Variants in MAPK8 observed in about 807,000 individuals in gnomAD.
MAPK8 encodes the protein JUN N-terminal kinase.
MAPK8 carries 13 observed loss-of-function variants against 52.9 expected under a neutral mutation model. The ratio of observed to expected loss-of-function variants is 0.25; its 90% CI spans 0.16 to 0.39. The LOEUF (loss-of-function observed/expected upper bound fraction) is 0.39, where lower values mean the gene tolerates loss of function less well. MAPK8 is among the 10% of genes least tolerant of loss of function. The probability of loss-of-function intolerance (pLI) is 1.00; values close to 1 mark genes in which losing one functional copy is unlikely to be tolerated. For synonymous variants in MAPK8, 191 were observed against 169.8 expected, an observed-to-expected ratio of 1.12 and a Z score of -0.97; for missense variants, 300 against 519.2, an observed-to-expected ratio of 0.58 and a Z score of 4.10.
At chr10:48,381,278 T>G (rs1257781017) in intron 1 of MAPK8, among the ~76,000 whole-genome samples, 2 of 152,196 alleles carry the variant, frequency 1.3e-5, no homozygotes, top group East Asian at 1.9e-4. Context: ...ACTTTTTAGT[T>G]TTAGCTATAT....
chr10:48,429,211 A>C (rs897255225), intron 10 of MAPK8, among the ~76,000 whole-genome samples: 1 of 152,296 alleles, frequency 6.6e-6, no homozygotes, highest in East Asian at 1.9e-4. Context: ...TGTAAGGCAC[A>C]CCATTATGTG....
chr10:48,414,897 T>G (rs916173867), intron 5 of MAPK8, among the ~76,000 whole-genome samples: 5 of 152,248 alleles, frequency 3.3e-5, no homozygotes, highest in African/African-American at 1.2e-4. Context: ...TTTTTAAAAA[T>G]TATTTAATTC....
chr10:48,385,595 G>T (rs74130257), intron 1 of MAPK8, among the ~76,000 whole-genome samples: 100 of 152,026 alleles, frequency 6.6e-4, no homozygotes, highest in African/African-American at 2.4e-3. Flanking sequence ...TTGTTACTTT[G>T]TTGGTAGTAA....
At chr10:48,321,502 A>G (rs939374735) in intron 1 of MAPK8, among the ~76,000 whole-genome samples, 2 of 152,204 alleles carry the variant, frequency 1.3e-5, no homozygotes, top group Non-Finnish European at 2.9e-5. Context: ...TTTGTAGCAC[A>G]AAAAGTTTTA....
intron 1 of MAPK8, among the ~76,000 whole-genome samples, chr10:48,368,111 T>C (rs535325695): frequency 8.5e-5 from 13 of 152,310 alleles, no homozygotes; most frequent in Non-Finnish European, 1.6e-4. Flanking sequence ...AAATAAAAAG[T>C]AATTTATCAA....
Position 48,404,923 on chromosome 10 carries a change from C to T in MAPK8, c.194C>T (p.Thr65Ile). 6.2e-7 allele frequency: 1 copy of T among 1,609,516 alleles called. No homozygotes were observed. ...KKLSRPFQNQ[T>I]HAKRAYRELV... ...CTAAGCCGACCATTTCAGAATCAGA[C>T]TCATGCCAAGCGGGCCTACAGAGAG... Residue 65 changes from threonine (T) to isoleucine (I), a missense_variant, in exon 3 of 12, where the codon ACT (threonine) becomes ATT (isoleucine). Thr to Ile is a moderately conservative substitution (Grantham distance 89). This residue lies in a region of MAPK8 where 147 missense variants were observed against 328.1 expected (regional missense o/e 0.45). Transcript: ENST00000374189.
chr10:48,333,029 A>G (rs1225090055), intron 1 of MAPK8, among the ~76,000 whole-genome samples: 1 of 152,164 alleles, frequency 6.6e-6, no homozygotes, highest in African/African-American at 2.4e-5. Context: ...GTCCCTTGCC[A>G]TCTGTCACTG....
intron 1 of MAPK8, among the ~76,000 whole-genome samples, chr10:48,320,096 G>A (rs1842856304): frequency 6.7e-6 from 1 of 149,392 alleles, no homozygotes; most frequent in South Asian, 2.1e-4. Flanking sequence ...TTGTATTTTT[G>A]GTAGAGATAG....
At chr10:48,356,841 C>CAAAAAAAAAAAAAAAA (rs869186711) in intron 1 of MAPK8, among the ~76,000 whole-genome samples, 3 of 30,278 alleles carry the variant, frequency 9.9e-5, no homozygotes, top group South Asian at 1.9e-3. Context: ...GACTCCGTCT[C>CAAAAAAAAAAAAAAAA]AAAAAAAAAA....
At chr10:48,381,999 G>A (rs1440178689) in intron 1 of MAPK8, among the ~76,000 whole-genome samples, 1 of 152,140 alleles carries the variant, frequency 6.6e-6, no homozygotes, top group African/African-American at 2.4e-5. Flanking sequence ...ACAGAGGACA[G>A]AACTGTGAAG....
At chr10:48,351,754 G>GT (rs1846356163) in intron 1 of MAPK8, among the ~76,000 whole-genome samples, 1 of 152,120 alleles carries the variant, frequency 6.6e-6, no homozygotes, top group African/African-American at 2.4e-5. Flanking sequence ...AAGAGATACA[G>GT]GTTGAGTATC....
In MAPK8 at chr10:48,310,637, T is replaced by C. The variant is rs183349738; in HGVS notation, c.-50+3816T>C. 6.0e-3 allele frequency among the ~76,000 whole-genome samples: 911 copies of C among 152,284 alleles called. 6 individuals are homozygous for C. The highest frequency in any genetic ancestry group is 0.02 in the Middle Eastern group (6 of 294). On this transcript the variant is annotated intron_variant, in intron 1 of 11. Coordinates refer to ENST00000374189, the MANE Select transcript of MAPK8 (RefSeq NM_001323329.2). ...ATCGCTAAACAGTTAATTTATGCTCTTTTAAAAGGTATATGAAAGGGTTCC... is the reference window on the plus strand; with the variant it reads ...ATCGCTAAACAGTTAATTTATGCTCCTTTAAAAGGTATATGAAAGGGTTCC...
chr10:48,380,558 C>T (rs2040936107), intron 1 of MAPK8, among the ~76,000 whole-genome samples: 1 of 149,332 alleles, frequency 6.7e-6, no homozygotes, highest in African/African-American at 2.5e-5. Flanking sequence ...ATGGTGAAAC[C>T]CCATATCTAC....
At chr10:48,355,004 G>A (rs535096220) in intron 1 of MAPK8, among the ~76,000 whole-genome samples, 28 of 152,170 alleles carry the variant, frequency 1.8e-4, no homozygotes, top group African/African-American at 6.7e-4. Flanking sequence ...AAAACATAAA[G>A]AAACTAAGCA....
intron 1 of MAPK8, among the ~76,000 whole-genome samples, chr10:48,309,219 A>T (rs1185885699): frequency 6.6e-6 from 1 of 152,234 alleles, no homozygotes; most frequent in Non-Finnish European, 1.5e-5. Flanking sequence ...TTCACCAGTT[A>T]GAGTGTATAT....
intron 5 of MAPK8, among the ~76,000 whole-genome samples, chr10:48,413,101 A>G (rs1453578141): frequency 2.0e-5 from 3 of 152,200 alleles, no homozygotes; most frequent in African/African-American, 7.2e-5. Context: ...AGGTTTATCC[A>G]TGTTGTAGCA....
chr10:48,378,885 C>T (rs2040826461), intron 1 of MAPK8, among the ~76,000 whole-genome samples: 1 of 152,058 alleles, frequency 6.6e-6, no homozygotes, highest in African/African-American at 2.4e-5. Flanking sequence ...CCACCTCAGC[C>T]GTGAGTAGCT....
At chr10:48,413,110 CAT>C (rs1033243591) in intron 5 of MAPK8, among the ~76,000 whole-genome samples, 3 of 152,224 alleles carry the variant, frequency 2.0e-5, no homozygotes, top group African/African-American at 4.8e-5. Context: ...CATGTTGTAG[CAT>C]ATGTCAGAAT....
chr10:48,362,863 C>G (rs1847675881), intron 1 of MAPK8, among the ~76,000 whole-genome samples: 1 of 151,594 alleles, frequency 6.6e-6, no homozygotes, highest in African/African-American at 2.4e-5. Context: ...GCCTCAGCCT[C>G]CTGAGTAGCT....
Sources: allele counts gnomAD v4.1 joint callset (sites outside exome capture counted in the v4.1 genomes callset), GRCh38; gene constraint gnomAD v4.1.1; regional missense constraint gnomAD v4.1.1; transcripts MANE v1.5; gene names NCBI Gene and HGNC (gene_info 2026-07-23, HGNC 2026-07-21).